The following GOLGA4 variants were observed in gnomAD, a reference collection of about 807,000 sequenced individuals.
The protein encoded by GOLGA4 is golgin A4.
A neutral mutation model predicts 265.9 loss-of-function variants in GOLGA4; 169 were observed. The ratio of observed to expected loss-of-function variants is 0.64; its 90% CI spans 0.56 to 0.72. The LOEUF (loss-of-function observed/expected upper bound fraction) is 0.72, where lower values mean the gene tolerates loss of function less well. Ranked by LOEUF, GOLGA4 falls within the 30% of genes least tolerant of loss-of-function variation. The probability of loss-of-function intolerance (pLI) is 0.00; values close to 1 mark genes in which losing one functional copy is unlikely to be tolerated. For missense variants in GOLGA4, 2,482 were observed against 2,483.4 expected (o/e 1.00, Z 0.01); for synonymous variants, 923 against 855.8 (o/e 1.08, Z -1.37).
intron 20 of GOLGA4, among the ~76,000 whole-genome samples, chr3:37,341,446 C>T (rs2097033755): frequency 3.3e-5 from 5 of 152,108 alleles, no homozygotes; most frequent in Admixed American, 2.0e-4. Flanking sequence ...GCTCTCATTA[C>T]TATCAAATAA....
intron 20 of GOLGA4, among the ~76,000 whole-genome samples, chr3:37,340,705 C>T (rs967321304): frequency 6.6e-6 from 1 of 152,188 alleles, no homozygotes; most frequent in Admixed American, 6.5e-5. Context: ...GTGGTATTTG[C>T]CTTTCTTCAC....
At position 37,296,097 on chromosome 3, in the gene GOLGA4, T is replaced by TG; in HGVS notation, c.693dup (p.Lys232GlufsTer12). 1 of 1,613,772 alleles carries TG rather than the reference T, an allele frequency of 6.2e-7. No homozygotes were observed. Among genetic ancestry groups the TG allele is most frequent in the Non-Finnish European group, 8.5e-7 (1 of 1,179,644 alleles). On this transcript the variant is annotated frameshift_variant, in exon 7 of 24. Transcript: ENST00000361924. LOFTEE classifies it high-confidence loss of function. ...GCACATTTATATTAGGTTTCTCTAC[T>TG]GAAACAACGATTACGAAATGGCCCG...
At chr3:37,286,159 T>G in intron 4 of GOLGA4, 98 bp downstream of exon 4, 1 of 636,698 alleles carries the variant, frequency 1.6e-6, no homozygotes, top group South Asian at 2.0e-5. Flanking sequence ...TTTTTTTTTT[T>G]TTTTTGAGAC....
chr3:37,282,816 C>T (rs981847541), intron 3 of GOLGA4, among the ~76,000 whole-genome samples: 4 of 152,208 alleles, frequency 2.6e-5, no homozygotes, highest in Admixed American at 2.0e-4. Context: ...CCTGTTTGGT[C>T]TAAGGGAGGA....
intron 2 of GOLGA4, among the ~76,000 whole-genome samples, chr3:37,257,923 ATATGTATATATACATACATATATATG>A (rs1158383621): frequency 1.7e-5 from 2 of 115,712 alleles, no homozygotes; most frequent in Non-Finnish European, 3.4e-5. Flanking sequence ...ATGTATGTAT[ATATGTATATATACATACATATATATG>A]TATGTATATA....
chr3:37,270,830 T>C (rs932130394), intron 2 of GOLGA4, among the ~76,000 whole-genome samples: 2 of 152,162 alleles, frequency 1.3e-5, no homozygotes, highest in Non-Finnish European at 2.9e-5. Flanking sequence ...GCATTACATT[T>C]ACTGTGTACT....
chr3:37,327,285 A>C lies in GOLGA4; in HGVS notation c.5399A>C (p.Glu1800Ala), dbSNP rs1374747694. 1.9e-6 allele frequency: 3 copies of C among 1,613,002 alleles called. No individual in the cohort carries two copies. The highest frequency in any genetic ancestry group is 2.5e-6 in the Non-Finnish European group (3 of 1,179,206). ...AGTATGATAGGTCATCTTCAAGAGG[A>C]GCTTGAAGAAAAAAACAAGAAATAT... ...DQSMIGHLQE[E>A]LEEKNKKYSL... The change falls in exon 14 of 24, where the codon GAG (glutamate) becomes GCG (alanine). Residue 1800 changes from glutamate (E) to alanine (A), a missense_variant. Around this residue, in one of 3 missense-constraint regions of GOLGA4, gnomAD observed 942 missense variants for 983.1 expected, o/e 0.96. Transcript: ENST00000361924.
intron 22 of GOLGA4, among the ~76,000 whole-genome samples, chr3:37,356,952 A>G (rs982828719): frequency 6.6e-6 from 1 of 152,190 alleles, no homozygotes; most frequent in Non-Finnish European, 1.5e-5. Context: ...CAAATGTGGT[A>G]GGAAACATTC....
chr3:37,324,415 T>G lies in GOLGA4; in HGVS notation c.2529T>G (p.Ala843=). The change falls in exon 14 of 24, where the codon GCT becomes GCG. Residue 843 remains alanine (A), a synonymous_variant. Transcript: ENST00000361924. ...TERILLTKQV[A]EVEAQKKDVC... is the part of the protein sequence containing the mutation. ...GAATTCTTCTTACCAAACAGGTTGC[T>G]GAAGTTGAAGCACAAAAGAAAGATG... 6.2e-7 allele frequency: 1 copy of G among 1,614,192 alleles called. No homozygotes were observed. Among genetic ancestry groups the G allele is most frequent in the Non-Finnish European group, 8.5e-7 (1 of 1,180,024 alleles).
chr3:37,358,027 A>T (rs751742585), intron 22 of GOLGA4, among the ~76,000 whole-genome samples: 8 of 152,180 alleles, frequency 5.3e-5, no homozygotes, highest in Non-Finnish European at 1.2e-4. Flanking sequence ...TTGCCTAAGG[A>T]CTGAAAAGCT....
At chr3:37,294,192 A>G (rs76475194) in intron 5 of GOLGA4, among the ~76,000 whole-genome samples, 2,113 of 152,236 alleles carry the variant, frequency 0.014, 46 homozygotes, top group African/African-American at 0.049. Flanking sequence ...ATTTTAACTA[A>G]TTGCAGGAAC....
chr3:37,306,201 G>A (rs1462713631), intron 10 of GOLGA4, among the ~76,000 whole-genome samples: 2 of 152,106 alleles, frequency 1.3e-5, no homozygotes, highest in African/African-American at 2.4e-5. Context: ...AGTTTTTGAC[G>A]TATGAGAGCA....
chr3:37,256,359 A>G (rs2096748639), intron 2 of GOLGA4, among the ~76,000 whole-genome samples: 1 of 152,028 alleles, frequency 6.6e-6, no homozygotes, highest in Non-Finnish European at 1.5e-5. Context: ...ACTCCCAGCT[A>G]TTCAGGAGGC....
rs751927733 is a variant in GOLGA4, at chr3:37,325,428, C to T, written c.3542C>T (p.Thr1181Ile). ...GAGTTGACTAGCAAGTTGAAAACCA[C>T]AGATGAAGAATTCCAGAGTTTGAAA... is the stretch of plus-strand genomic sequence containing the variant. ...VSELTSKLKT[T>I]DEEFQSLKSS... is the part of the protein sequence containing the mutation. The change falls in exon 14 of 24, where the codon ACA (threonine) becomes ATA (isoleucine). Residue 1181 changes from threonine (T) to isoleucine (I), a missense_variant. By Grantham distance (89) the Thr-to-Ile change is moderately conservative. Coordinates refer to ENST00000361924, the MANE Select transcript of GOLGA4 (RefSeq NM_002078.5). 6.2e-7 allele frequency: 1 copy of T among 1,611,072 alleles called. No individual in the cohort carries two copies. Among genetic ancestry groups the T allele is most frequent in the South Asian group, 1.1e-5 (1 of 90,224 alleles).
At position 37,326,096 on chromosome 3, in the gene GOLGA4, G is replaced by C. The variant is rs1328931079; in HGVS notation, c.4210G>C (p.Asp1404His). The change falls in exon 14 of 24, where the codon GAT becomes CAT. Residue 1404 changes from aspartate to histidine, a missense_variant. Coordinates refer to ENST00000361924, the MANE Select transcript of GOLGA4 (RefSeq NM_002078.5). Reference sequence around the variant, plus strand: ...CATTTCATCACTAAGAAAGCAGTATGATGAAGAAAAATGTGAATTGCTGGA... The same window carrying C: ...CATTTCATCACTAAGAAAGCAGTATCATGAAGAAAAATGTGAATTGCTGGA... The part of the protein sequence containing the change: ...AAISSLRKQY[D>H]EEKCELLDQV... 12 of 1,613,560 alleles carry C rather than the reference G, an allele frequency of 7.4e-6. No homozygotes were observed. The highest frequency in any genetic ancestry group is 1.0e-5 in the Non-Finnish European group (12 of 1,179,680).
rs1275013516 is a variant in GOLGA4 at position 37,302,163 on chromosome 3, TAG to T, written c.1087-19_1087-18del. The T allele has an allele frequency of 6.2e-7, 1 of 1,606,668 alleles. No homozygotes were observed. The highest frequency in any genetic ancestry group is 1.1e-5 in the South Asian group (1 of 90,716). ...ATGCAGTTTTGTTATGCAAATGTTTTAGAGTCTTCACTTCTATTCAGGGAATG... is the reference window on the plus strand; with the variant it reads ...ATGCAGTTTTGTTATGCAAATGTTTTAGTCTTCACTTCTATTCAGGGAATG... On this transcript the variant is annotated intron_variant, in intron 9 of 23. Transcript: ENST00000361924.
At chr3:37,302,822 T>C (rs1431946746) in intron 10 of GOLGA4, 1 of 153,226 alleles carries the variant, frequency 6.5e-6, no homozygotes, top group Non-Finnish European at 1.5e-5. Context: ...AACACTTCAG[T>C]GTTAATAGCA....
chr3:37,344,661 A>T (rs1331730749), intron 20 of GOLGA4, among the ~76,000 whole-genome samples: 1 of 152,012 alleles, frequency 6.6e-6, no homozygotes, highest in African/African-American at 2.4e-5. Flanking sequence ...GTCACTTCAT[A>T]ATAAGTCTTG....
At chr3:37,266,545 C>G (rs899511352) in intron 2 of GOLGA4, among the ~76,000 whole-genome samples, 2 of 152,154 alleles carry the variant, frequency 1.3e-5, no homozygotes, top group African/African-American at 2.4e-5. Context: ...GAGTGCCAGG[C>G]ACTCTGTGTG....
Sources: allele counts gnomAD v4.1 joint callset (sites outside exome capture counted in the v4.1 genomes callset), GRCh38; gene constraint gnomAD v4.1.1; regional missense constraint gnomAD v4.1.1; transcripts MANE v1.5; gene names NCBI Gene and HGNC (gene_info 2026-07-23, HGNC 2026-07-21).